Variants in CGRRF1 observed in about 807,000 individuals in gnomAD.
The protein encoded by CGRRF1 is cell growth regulator with ring finger domain 1, also known as cell growth regulator with RING finger domain protein 1.
A neutral mutation model predicts 37.2 loss-of-function variants in CGRRF1; 32 were observed. That is an observed-to-expected ratio of 0.86 (90% CI 0.65 to 1.16). The LOEUF is 1.16. Among genes scored for constraint, CGRRF1 ranks in the 50% most tolerant of loss-of-function variants. The pLI is 0.00. For synonymous variants in CGRRF1, 141 were observed against 140.3 expected (o/e 1.00, Z -0.04); for missense variants, 391 against 382.6 (o/e 1.02, Z -0.18).
intron 2 of CGRRF1, among the ~76,000 whole-genome samples, chr14:54,525,579 C>T (rs1315923984): frequency 6.6e-6 from 1 of 152,100 alleles, no homozygotes; most frequent in Non-Finnish European, 1.5e-5. Flanking sequence ...AGGAGTTATA[C>T]TCAACAGAGT....
At chr14:54,523,463 A>C (rs2032356613) in intron 2 of CGRRF1, among the ~76,000 whole-genome samples, 1 of 152,182 alleles carries the variant, frequency 6.6e-6, no homozygotes, top group Admixed American at 6.5e-5. Flanking sequence ...TGTTAAGGTG[A>C]AGAGGCATAT....
At chr14:54,514,511 A>T (rs183414277) in intron 1 of CGRRF1, among the ~76,000 whole-genome samples, 68 of 152,340 alleles carry the variant, frequency 4.5e-4, no homozygotes, top group Non-Finnish European at 7.6e-4. Context: ...AACTCGTGTC[A>T]TGGGTTTGTT....
In CGRRF1 at chr14:54,528,650, A is replaced by G. The variant is rs768306732; in HGVS notation, c.245-1399A>G. ...TTTGTATGTGTGTGTATATGTGTGTATATGTATTTGTGTATGTATAAATAA... is the reference window on the plus strand; with the variant it reads ...TTTGTATGTGTGTGTATATGTGTGTGTATGTATTTGTGTATGTATAAATAA... On this transcript the variant is annotated intron_variant, in intron 2 of 5. Transcript: ENST00000216420. Among the ~76,000 whole-genome samples, 78 of 152,130 alleles carry G rather than the reference A, an allele frequency of 5.1e-4. 1 individual carries two copies. The highest frequency in any genetic ancestry group is 9.4e-4 in the Non-Finnish European group (64 of 68,012).
chr14:54,512,151 C>G (rs1455816433), intron 1 of CGRRF1, among the ~76,000 whole-genome samples: 1 of 152,106 alleles, frequency 6.6e-6, no homozygotes, highest in African/African-American at 2.4e-5. Flanking sequence ...TTGTTTTAAC[C>G]TCCCATAATA....
At chr14:54,519,545 C>A (rs921243935) in intron 1 of CGRRF1, among the ~76,000 whole-genome samples, 1 of 151,994 alleles carries the variant, frequency 6.6e-6, no homozygotes, top group Non-Finnish European at 1.5e-5. Context: ...GCCAGTGCAC[C>A]CAGCCTAGGA....
intron 1 of CGRRF1, among the ~76,000 whole-genome samples, chr14:54,520,576 A>G (rs1453063425): frequency 6.6e-6 from 1 of 152,200 alleles, no homozygotes; most frequent in Non-Finnish European, 1.5e-5. Context: ...GTACTTCCGG[A>G]AGCAACCATT....
chr14:54,522,921 TGTCTAAATACAGTTAACGTAAG>T (rs944915106), intron 2 of CGRRF1, among the ~76,000 whole-genome samples: 4 of 152,230 alleles, frequency 2.6e-5, no homozygotes, highest in Non-Finnish European at 5.9e-5. Context: ...TGATGTGTTA[TGTCTAAATACAGTTAACGTAAG>T]GTTGCTAACC....
chr14:54,524,385 G>GTTTT (rs530976044), intron 2 of CGRRF1, among the ~76,000 whole-genome samples: 1 of 131,668 alleles, frequency 7.6e-6, no homozygotes. Context: ...AAAAATATAT[G>GTTTT]TTTTTTTTTT....
At chr14:54,512,033 C>G (rs767195443) in intron 1 of CGRRF1, among the ~76,000 whole-genome samples, 13 of 152,218 alleles carry the variant, frequency 8.5e-5, no homozygotes, top group Non-Finnish European at 1.3e-4. Context: ...AAAACTTGGA[C>G]ACCATCTAAA....
At chr14:54,524,459 C>T (rs571082462) in intron 2 of CGRRF1, among the ~76,000 whole-genome samples, 4 of 150,862 alleles carry the variant, frequency 2.7e-5, no homozygotes, top group South Asian at 2.1e-4. Flanking sequence ...GATCATACCT[C>T]ACTGCAGCCC....
chr14:54,516,537 T>G (rs2032219719), intron 1 of CGRRF1, among the ~76,000 whole-genome samples: 1 of 152,172 alleles, frequency 6.6e-6, no homozygotes, highest in South Asian at 2.1e-4. Flanking sequence ...TAGTATATCT[T>G]TTTTTCCTTT....
rs550917185 is a variant in CGRRF1 at position 54,537,873 on chromosome 14, A to G, written c.678+44A>G. On this transcript the variant is annotated intron_variant, in intron 5 of 5. Coordinates refer to ENST00000216420, the MANE Select transcript of CGRRF1 (RefSeq NM_006568.3). ...TCTTATCTCTGTCTCTTTTGTTTAC[A>G]GAGTTTCAAAGAATGGCCATTTATG... 3.2e-5 allele frequency: 50 copies of G among 1,563,614 alleles called. No homozygotes were observed. In the South Asian group the frequency reaches 6.0e-4, roughly 19 times the overall value.
chr14:54,527,755 CTTT>C (rs374964366), intron 2 of CGRRF1, among the ~76,000 whole-genome samples: 1 of 142,386 alleles, frequency 7.0e-6, no homozygotes. Flanking sequence ...TTCCATTGTT[CTTT>C]TTTTTTTTTT....
At chr14:54,534,103 A>G (rs937281966) in intron 4 of CGRRF1, among the ~76,000 whole-genome samples, 18 of 152,242 alleles carry the variant, frequency 1.2e-4, no homozygotes, top group African/African-American at 4.1e-4. Flanking sequence ...GACTTTTAAT[A>G]TTAAATCAAA....
intron 4 of CGRRF1, among the ~76,000 whole-genome samples, chr14:54,534,053 C>G (rs2140066736): frequency 6.6e-6 from 1 of 152,034 alleles, no homozygotes; most frequent in Non-Finnish European, 1.5e-5. Flanking sequence ...AAATATTTAC[C>G]CACAACTACA....
intron 4 of CGRRF1, among the ~76,000 whole-genome samples, chr14:54,535,765 A>C (rs143061987): frequency 2.0e-3 from 299 of 152,304 alleles, no homozygotes; most frequent in Non-Finnish European, 3.5e-3. Context: ...TTCCAACTGC[A>C]GCCCTCCCTC....
At chr14:54,530,619 A>T (rs1362626164) in intron 3 of CGRRF1, 1 of 856,860 alleles carries the variant, frequency 1.2e-6, no homozygotes, top group East Asian at 2.6e-5. Context: ...TTAGCACTGA[A>T]AATTAGACTT....
Position 54,538,618 on chromosome 14 carries a change from C to G in CGRRF1, c.*235C>G, listed in dbSNP as rs1176498682. ...AATTCATTCAACTCTTGAAAAGAAT[C>G]TAAGAGTTTGGCCTTTTATTAGCTA... is the stretch of plus-strand genomic sequence containing the variant. On this transcript the variant is annotated 3_prime_UTR_variant, in exon 6 of 6. Coordinates refer to ENST00000216420, the MANE Select transcript of CGRRF1 (RefSeq NM_006568.3). The G allele has an allele frequency of 6.0e-6, 2 of 333,056 alleles. No individual in the cohort carries two copies. Among genetic ancestry groups the G allele is most frequent in the Non-Finnish European group, 1.1e-5 (2 of 184,292 alleles). The allele number at this position is 333,056 out of a possible 1,614,324, so 20.6% of individuals were successfully genotyped here. A position where few individuals can be genotyped will look rare whatever the true frequency, so the allele number is the denominator to read the frequency against.
At chr14:54,527,022 G>T (rs146202464) in intron 2 of CGRRF1, among the ~76,000 whole-genome samples, 1 of 151,852 alleles carries the variant, frequency 6.6e-6, no homozygotes, top group African/African-American at 2.4e-5. Flanking sequence ...CTTACACTCC[G>T]CTTTATTTGC....
Sources: allele counts gnomAD v4.1 joint callset (sites outside exome capture counted in the v4.1 genomes callset), GRCh38; gene constraint gnomAD v4.1.1; transcripts MANE v1.5; gene names NCBI Gene and HGNC (gene_info 2026-07-23, HGNC 2026-07-21).